The following MRPL19 variants were observed in gnomAD, a reference collection of about 807,000 sequenced individuals.
MRPL19 encodes the protein mitochondrial ribosomal protein L19, also known as large ribosomal subunit protein bL19m.
MRPL19 carries 31 observed loss-of-function variants against 34.0 expected under a neutral mutation model. The ratio of observed to expected loss-of-function variants is 0.91; its 90% CI spans 0.68 to 1.23. The LOEUF is 1.23. MRPL19 is among the 50% of genes most tolerant of loss of function. The pLI is 0.00. For synonymous variants in MRPL19, 152 were observed against 127.7 expected (o/e 1.19, Z -1.28); for missense variants, 384 against 367.6 (o/e 1.04, Z -0.37).
intron 2 of MRPL19, among the ~76,000 whole-genome samples, chr2:75,648,850 T>C (rs991714691): frequency 1.3e-5 from 2 of 152,152 alleles, no homozygotes; most frequent in African/African-American, 2.4e-5. Flanking sequence ...GCCTGGGCGA[T>C]AGAGCAAGAC....
At chr2:75,653,276 A>G (rs1678369505) in intron 4 of MRPL19, among the ~76,000 whole-genome samples, 1 of 152,234 alleles carries the variant, frequency 6.6e-6, no homozygotes, top group South Asian at 2.1e-4. Context: ...GAAATTGAAA[A>G]TGTGAAAGCA....
intron 2 of MRPL19, among the ~76,000 whole-genome samples, chr2:75,650,777 A>G (rs1214061291): frequency 6.6e-6 from 1 of 152,188 alleles, no homozygotes. Context: ...AAACGTGGTC[A>G]AGGAGCGAAG....
Position 75,657,429 on chromosome 2 carries a change from C to G in MRPL19, c.*2144C>G, listed in dbSNP as rs1038327568. On this transcript the variant is annotated 3_prime_UTR_variant, in exon 6 of 6. Coordinates refer to ENST00000393909, the MANE Select transcript of MRPL19 (RefSeq NM_014763.4). ...TCAGACAGCAGCTTTCAGCTACTTC[C>G]TTGATCTTTTTCACTAATGATTATA... is the stretch of plus-strand genomic sequence containing the variant. The G allele has an allele frequency of 6.6e-6, 1 of 152,100 alleles. No individual in the cohort carries two copies. Among genetic ancestry groups the G allele is most frequent in the Non-Finnish European group, 1.5e-5 (1 of 67,992 alleles). The allele number at this position is 152,100 out of a possible 1,614,324, so 9.4% of individuals were successfully genotyped here. A position where few individuals can be genotyped will look rare whatever the true frequency, so the allele number is the denominator to read the frequency against.
chr2:75,650,388 A>G (rs1029036868), intron 2 of MRPL19, among the ~76,000 whole-genome samples: 12 of 152,220 alleles, frequency 7.9e-5, no homozygotes, highest in Non-Finnish European at 1.5e-4. Flanking sequence ...TCCTGAGGTA[A>G]ACAGGCAGGG....
intron 2 of MRPL19, among the ~76,000 whole-genome samples, chr2:75,648,191 A>G (rs13032535): frequency 0.59 from 89,421 of 151,984 alleles, 26,580 homozygotes; most frequent in East Asian, 0.69. Flanking sequence ...TCTTTTAAAC[A>G]GTGGCATTTA....
intron 2 of MRPL19, among the ~76,000 whole-genome samples, chr2:75,649,964 T>C (rs894824940): frequency 1.2e-4 from 18 of 152,114 alleles, no homozygotes; most frequent in African/African-American, 3.4e-4. Flanking sequence ...AAAAATGATA[T>C]GTGTATATAA....
At chr2:75,652,347 A>T (rs1324838269) in intron 3 of MRPL19, 87 bp downstream of exon 3, 1 of 1,316,794 alleles carries the variant, frequency 7.6e-7, no homozygotes, top group Non-Finnish European at 1.1e-6. Context: ...AAGCAAAAGA[A>T]GATTGTTTTT....
At position 75,657,791 on chromosome 2, in the gene MRPL19, C is replaced by T. The variant is rs979839519; in HGVS notation, c.*2506C>T. The stretch of plus-strand genomic sequence containing the variant: ...ACTCTGTAGGAATATCTTTAAAATT[C>T]TTGTGAATTTTTCCCCAGAAGTAAA... On this transcript the variant is annotated 3_prime_UTR_variant, in exon 6 of 6. Coordinates refer to ENST00000393909, the MANE Select transcript of MRPL19 (RefSeq NM_014763.4). 2 of 151,592 alleles carry T rather than the reference C, an allele frequency of 1.3e-5. No homozygotes were observed. The highest frequency in any genetic ancestry group is 2.9e-5 in the Non-Finnish European group (2 of 67,908). The allele number at this position is 151,592 out of a possible 1,614,324, so 9.4% of individuals were successfully genotyped here. A position where few individuals can be genotyped will look rare whatever the true frequency, so the allele number is the denominator to read the frequency against.
intron 1 of MRPL19, 22 bp from the exon 2 acceptor site, chr2:75,647,080 C>T (rs1678239140): frequency 1.9e-6 from 3 of 1,565,852 alleles, no homozygotes; most frequent in African/African-American, 2.7e-5. Flanking sequence ...AGAGTTCTGA[C>T]CTCCGTCGTC....
At chr2:75,653,996 G>A (rs1249091524) in intron 4 of MRPL19, among the ~76,000 whole-genome samples, 1 of 152,086 alleles carries the variant, frequency 6.6e-6, no homozygotes, top group Non-Finnish European at 1.5e-5. Context: ...CATTTGTGCA[G>A]TCTCTCTGGT....
chr2:75,651,253 G>T (rs1345546399), intron 2 of MRPL19: 7 of 479,230 alleles, frequency 1.5e-5, no homozygotes, highest in Non-Finnish European at 1.7e-5. Context: ...TGTCATCCAA[G>T]GAAGAGAAAA....
chr2:75,653,721 A>G (rs539706747), intron 4 of MRPL19, among the ~76,000 whole-genome samples: 71 of 152,264 alleles, frequency 4.7e-4, no homozygotes, highest in African/African-American at 1.6e-3. Context: ...CAGATTTGCA[A>G]CTATCTGCAA....
intron 4 of MRPL19, 55 bp downstream of exon 4, chr2:75,652,712 T>A: frequency 6.4e-7 from 1 of 1,558,362 alleles, no homozygotes; most frequent in Non-Finnish European, 8.7e-7. Flanking sequence ...CAGGATTCCT[T>A]TTTGTTTCTG....
In MRPL19 at chr2:75,661,300, TG is replaced by T. The variant is rs1346037789; in HGVS notation, c.*6017del. On this transcript the variant is annotated 3_prime_UTR_variant, in exon 6 of 6. Coordinates refer to ENST00000393909, the MANE Select transcript of MRPL19 (RefSeq NM_014763.4). ...CTGTTTTTCAGAGTTCTGATAAAAT[TG>T]GCTATGCCTGTTCCTGCTTTAAAAA... 1 of 152,194 alleles carries T rather than the reference TG, an allele frequency of 6.6e-6. No homozygotes were observed. The highest frequency in any genetic ancestry group is 2.4e-5 in the African/African-American group (1 of 41,454). The allele number at this position is 152,194 out of a possible 1,614,324, so 9.4% of individuals were successfully genotyped here.
rs1341393047 is a variant in MRPL19 at position 75,662,189 on chromosome 2, C to G, written c.*6904C>G. The G allele has an allele frequency of 2.0e-5, 3 of 152,024 alleles. No homozygotes were observed. Among genetic ancestry groups the G allele is most frequent in the Non-Finnish European group, 2.9e-5 (2 of 68,004 alleles). 9.4% of individuals were successfully genotyped at this position (152,024 alleles called of 1,614,324 possible). On this transcript the variant is annotated 3_prime_UTR_variant, in exon 6 of 6. Coordinates refer to ENST00000393909, the MANE Select transcript of MRPL19 (RefSeq NM_014763.4). ...ACAACCTTACTTTCCAGGAATAAAC[C>G]CTATTATCTTTTTTATACATTGCTG... is the stretch of plus-strand genomic sequence containing the variant.
chr2:75,654,621 T>C, intron 4 of MRPL19, 115 bp from the exon 5 acceptor site: 1 of 896,092 alleles, frequency 1.1e-6, no homozygotes, highest in South Asian at 2.7e-5. Flanking sequence ...TAACGGCACA[T>C]TTTCTACATG....
rs755251862 is a variant in MRPL19 at position 75,655,089 on chromosome 2, C to G, written c.683C>G (p.Pro228Arg). The G allele has an allele frequency of 2.6e-5, 42 of 1,604,646 alleles. No homozygotes were observed. The highest frequency in any genetic ancestry group is 3.6e-5 in the Non-Finnish European group (42 of 1,176,786). ...NELKVKMKPK[P>R]WSKRWERPNF... ...CTGAAAGTAAAAATGAAGCCTAAGCCCTGGTCTAAACGCTGGGAACGTCCA... is the reference window on the plus strand; with the variant it reads ...CTGAAAGTAAAAATGAAGCCTAAGCGCTGGTCTAAACGCTGGGAACGTCCA... Residue 228 changes from proline to arginine, a missense_variant, in exon 6 of 6, where the codon CCC (proline) becomes CGC (arginine). Pro to Arg is a moderately radical substitution (Grantham distance 103). Transcript: ENST00000393909.
rs1460089473 is a variant in MRPL19, at chr2:75,658,390, G to A, written c.*3105G>A. Among the ~76,000 whole-genome samples the A allele has an allele frequency of 6.6e-6, 1 of 151,890 alleles. No homozygotes were observed. The highest frequency in any genetic ancestry group is 2.1e-4 in the South Asian group (1 of 4,818). On this transcript the variant is annotated 3_prime_UTR_variant, in exon 6 of 6. Transcript: ENST00000393909. ...ATTCCATTGTATGTATATACATTTT[G>A]TTCATCCATCTTCTGATGAACACTG... is the stretch of plus-strand genomic sequence containing the variant.
In MRPL19 at chr2:75,652,657, G is replaced by C. The variant is rs1207014565; in HGVS notation, c.475G>C (p.Gly159Arg). Reference protein sequence around the residue: ...FILRNVIEGQGVEICFELYNP... With the variant: ...FILRNVIEGQRVEICFELYNP... Reference sequence around the variant, plus strand: ...CCTTAGGAATGTTATCGAAGGACAAGGTAAGTTTTATTTCATCATTTTCAT... The same window carrying C: ...CCTTAGGAATGTTATCGAAGGACAACGTAAGTTTTATTTCATCATTTTCAT... Residue 159 changes from glycine to arginine, a missense_variant and splice_region_variant, in exon 4 of 6, where the codon GGT becomes CGT. Coordinates refer to ENST00000393909, the MANE Select transcript of MRPL19 (RefSeq NM_014763.4). The C allele has an allele frequency of 6.2e-7, 1 of 1,610,236 alleles. No individual in the cohort carries two copies. The highest frequency in any genetic ancestry group is 1.3e-5 in the African/African-American group (1 of 74,698).
Sources: gnomAD v4.1 joint callset for allele counts (sites outside exome capture counted in the v4.1 genomes callset) on GRCh38, gnomAD v4.1.1 for gene constraint, MANE v1.5 for transcripts, NCBI Gene and HGNC (gene_info 2026-07-23, HGNC 2026-07-21) for gene names.